The following AGBL1 variants were observed in gnomAD, a reference collection of about 807,000 sequenced individuals.
AGBL1 encodes the protein cytosolic carboxypeptidase 4.
Under a neutral mutation model 118.9 loss-of-function variants are expected in AGBL1, and 130 were observed. That is an observed-to-expected ratio of 1.09 (90% CI 0.95 to 1.26). The LOEUF is 1.26. AGBL1 is among the 50% of genes most tolerant of loss of function. The pLI is 0.00. For missense variants in AGBL1, 1,584 were observed against 1,298.1 expected, an observed-to-expected ratio of 1.22 and a Z score of -3.38; for synonymous variants, 555 against 478.9, an observed-to-expected ratio of 1.16 and a Z score of -2.08.
At chr15:86,313,585 A>G (rs10520621) in intron 17 of AGBL1, among the ~76,000 whole-genome samples, 31,144 of 152,206 alleles carry the variant, frequency 0.2, 3,716 homozygotes, top group Non-Finnish European at 0.26. Context: ...TTAATTAAGC[A>G]CTCTGATTAA....
intron 22 of AGBL1, among the ~76,000 whole-genome samples, chr15:86,809,671 G>GGGAAGA (rs2078762479): frequency 6.6e-6 from 1 of 152,180 alleles, no homozygotes; most frequent in Non-Finnish European, 1.5e-5. Flanking sequence ...AATGTGTCAA[G>GGGAAGA]TTGGGGAACT....
chr15:87,006,888 T>A (rs933143400), intron 24 of AGBL1, among the ~76,000 whole-genome samples: 1 of 152,086 alleles, frequency 6.6e-6, no homozygotes, highest in Non-Finnish European at 1.5e-5. Context: ...AAGTAAAGGA[T>A]CTGACATGGG....
intron 18 of AGBL1, among the ~76,000 whole-genome samples, chr15:86,472,194 A>G (rs952030683): frequency 6.6e-6 from 1 of 152,204 alleles, no homozygotes; most frequent in Non-Finnish European, 1.5e-5. Flanking sequence ...TTCTGTTATC[A>G]CCAAGTTTGT....
intron 22 of AGBL1, among the ~76,000 whole-genome samples, chr15:86,868,258 A>G (rs1052220773): frequency 3.3e-5 from 5 of 152,224 alleles, no homozygotes; most frequent in Non-Finnish European, 7.3e-5. Flanking sequence ...GTCACAAGAA[A>G]AGCTTCAAAC....
chr15:86,133,388 CA>C (rs2076843682), intron 1 of AGBL1, among the ~76,000 whole-genome samples: 1 of 152,150 alleles, frequency 6.6e-6, no homozygotes, highest in Non-Finnish European at 1.5e-5. Context: ...TTTTCTGATT[CA>C]CATCAAATAA....
At chr15:86,391,426 C>G (rs911122993) in intron 17 of AGBL1, among the ~76,000 whole-genome samples, 4 of 151,430 alleles carry the variant, frequency 2.6e-5, no homozygotes, top group Non-Finnish European at 5.9e-5. Flanking sequence ...TTTTCCACTC[C>G]TGTTTCCTGT....
At chr15:86,247,926 A>AT in intron 7 of AGBL1, 47 bp downstream of exon 7, 1 of 1,590,322 alleles carries the variant, frequency 6.3e-7, no homozygotes, top group South Asian at 1.1e-5. Flanking sequence ...CAGCTGGGTG[A>AT]TTCCTGAAGG....
intron 5 of AGBL1, among the ~76,000 whole-genome samples, chr15:86,200,340 A>C (rs980245821): frequency 6.6e-6 from 1 of 152,218 alleles, no homozygotes; most frequent in Non-Finnish European, 1.5e-5. Context: ...TCAACAAATT[A>C]TAAGAAAGAA....
rs556998818 is a variant in AGBL1, at chr15:86,908,769, G to C, written c.*1475G>C. The C allele has an allele frequency of 6.6e-6, 1 of 152,294 alleles. No individual in the cohort carries two copies. The allele number at this position is 152,294 out of a possible 1,614,324, so 9.4% of individuals were successfully genotyped here. A position where few individuals can be genotyped will look rare whatever the true frequency, so the allele number is the denominator to read the frequency against. ...AGAAGGGACGACAAAGGCAGTGGTA[G>C]AGTGAGAGATAGAATACGCTAGGTC... On this transcript the variant is annotated 3_prime_UTR_variant, in exon 23 of 23. Coordinates refer to ENST00000614907, the MANE Select transcript of AGBL1 (RefSeq NM_001386094.1).
intron 21 of AGBL1, among the ~76,000 whole-genome samples, chr15:86,594,327 CA>C (rs141985748): frequency 0.011 from 1,747 of 152,266 alleles, 34 homozygotes; most frequent in African/African-American, 0.036. Context: ...AAGATTAGTG[CA>C]TCTTTGATTT....
intron 1 of AGBL1, among the ~76,000 whole-genome samples, chr15:86,115,655 G>A (rs141114106): frequency 3.5e-4 from 54 of 152,192 alleles, no homozygotes; most frequent in Non-Finnish European, 5.6e-4. Flanking sequence ...CTTCTCATTG[G>A]TGCCTCATTT....
intron 17 of AGBL1, among the ~76,000 whole-genome samples, chr15:86,383,363 G>A (rs538494384): frequency 2.0e-5 from 3 of 151,938 alleles, no homozygotes; most frequent in Admixed American, 2.0e-4. Flanking sequence ...TGAGACAGGT[G>A]GGTTACTGAA....
intron 1 of AGBL1, among the ~76,000 whole-genome samples, chr15:86,119,892 G>C (rs1897991306): frequency 6.6e-6 from 1 of 152,106 alleles, no homozygotes; most frequent in Non-Finnish European, 1.5e-5. Context: ...GAAAGCCAAG[G>C]AAGAAAAGAA....
intron 23 of AGBL1, among the ~76,000 whole-genome samples, chr15:86,927,991 T>C (rs868543015): frequency 6.6e-6 from 1 of 152,138 alleles, no homozygotes; most frequent in African/African-American, 2.4e-5. Context: ...TGTATATATG[T>C]TTGAGTCTTG....
In AGBL1 at chr15:86,958,829, A is replaced by T. The variant is rs116219021; in HGVS notation, c.3222-29158A>T. Among the ~76,000 whole-genome samples the T allele has an allele frequency of 7.0e-3, 1,065 of 152,302 alleles. 13 individuals are homozygous for T. Among genetic ancestry groups the T allele is most frequent in the African/African-American group, 0.022 (912 of 41,582 alleles). ...GACAAATAAACTTTATGTTTAATTC[A>T]GTGGGACACTATGTGTCTGTTAAAA... On this transcript the variant is annotated intron_variant, in intron 23 of 24. Transcript: ENST00000441037.
At chr15:86,773,738 C>T (rs533928476) in intron 22 of AGBL1, among the ~76,000 whole-genome samples, 1 of 151,960 alleles carries the variant, frequency 6.6e-6, no homozygotes, top group Admixed American at 6.6e-5. Context: ...TTCTTTAGAC[C>T]CCTGATGCTG....
chr15:86,993,358 T>C (rs1314406455), intron 24 of AGBL1, among the ~76,000 whole-genome samples: 2 of 152,200 alleles, frequency 1.3e-5, no homozygotes, highest in African/African-American at 4.8e-5. Flanking sequence ...GACACTGTGA[T>C]AGGCAATAAT....
chr15:86,899,597 A>T (rs1202652370), intron 22 of AGBL1, among the ~76,000 whole-genome samples: 2 of 152,160 alleles, frequency 1.3e-5, no homozygotes, highest in South Asian at 4.1e-4. Context: ...TAAAATTTAT[A>T]TTTGATAATA....
At chr15:86,898,507 A>G (rs2080164815) in intron 22 of AGBL1, among the ~76,000 whole-genome samples, 1 of 152,206 alleles carries the variant, frequency 6.6e-6, no homozygotes, top group Non-Finnish European at 1.5e-5. Flanking sequence ...CAAAGATCCT[A>G]GATGAAGGTC....
Sources: gnomAD v4.1 joint callset for allele counts (sites outside exome capture counted in the v4.1 genomes callset) on GRCh38, gnomAD v4.1.1 for gene constraint, MANE v1.5 for transcripts, NCBI Gene and HGNC (gene_info 2026-07-23, HGNC 2026-07-21) for gene names.